MRPS21: variants seen among roughly 807,000 people sequenced by gnomAD.
MRPS21 encodes the protein mitochondrial ribosomal protein S21, also known as small ribosomal subunit protein bS21m.
MRPS21 carries 8 observed loss-of-function variants against 9.9 expected under a neutral mutation model. The ratio of observed to expected loss-of-function variants is 0.81; its 90% confidence interval spans 0.47 to 1.45. The LOEUF (loss-of-function observed/expected upper bound fraction) is 1.45, where lower values mean the gene tolerates loss of function less well. Ranked by LOEUF, MRPS21 falls within the 40% of genes most tolerant of loss-of-function variation. MRPS21 has a pLI of 0.00. For synonymous variants in MRPS21, 40 were observed against 40.3 expected, an observed-to-expected ratio of 0.99 and a Z score of 0.03; for missense variants, 101 against 118.9, an observed-to-expected ratio of 0.85 and a Z score of 0.70.
chr1:150,307,087 C>T (rs1217624965), intron 2 of MRPS21, among the ~76,000 whole-genome samples: 1 of 149,652 alleles, frequency 6.7e-6, no homozygotes, highest in Non-Finnish European at 1.5e-5. Context: ...ACTCTGTTGC[C>T]CAGGCTGGAG....
intron 2 of MRPS21, chr1:150,304,030 G>A: frequency 2.5e-6 from 1 of 400,736 alleles, no homozygotes; most frequent in Non-Finnish European, 5.2e-6. Context: ...AGAGACATCA[G>A]CCGGGCGTGG....
At chr1:150,297,032 C>T (rs1553856682) in intron 2 of MRPS21, among the ~76,000 whole-genome samples, 1 of 152,166 alleles carries the variant, frequency 6.6e-6, no homozygotes, top group East Asian at 1.9e-4. Flanking sequence ...TGGCTCACGC[C>T]TGTAATCCCA....
intron 2 of MRPS21, among the ~76,000 whole-genome samples, chr1:150,307,152 TCTC>T (rs1340402496): frequency 6.6e-6 from 1 of 151,034 alleles, no homozygotes; most frequent in African/African-American, 2.4e-5. Context: ...TTCAAACACT[TCTC>T]CTGCCTGCCT....
Position 150,294,409 on chromosome 1 carries a change from C to G in MRPS21, c.43C>G (p.Gln15Glu), listed in dbSNP as rs1053144652. The G allele has an allele frequency of 1.2e-6, 2 of 1,613,752 alleles. No homozygotes were observed. Among genetic ancestry groups the G allele is most frequent in the African/African-American group, 2.7e-5 (2 of 74,988 alleles). The change falls in exon 2 of 3, where the codon CAG becomes GAG. Residue 15 changes from glutamine (Q) to glutamate (E), a missense_variant. Transcript: ENST00000614145. ...GTTCATCGCCAGGACTGTGATGGTA[C>G]AGGAAGGGAACGTGGAAAGCGCATA... is the stretch of plus-strand genomic sequence containing the variant. ...LKFIARTVMV[Q>E]EGNVESAYRT...
At chr1:150,302,757 C>G (rs1553857894) in intron 2 of MRPS21, among the ~76,000 whole-genome samples, 1 of 152,132 alleles carries the variant, frequency 6.6e-6, no homozygotes, top group African/African-American at 2.4e-5. Flanking sequence ...TTGTGTTTTA[C>G]AAAGCTTTTC....
At chr1:150,307,990 A>G (rs1389444712) in intron 2 of MRPS21, 58 bp from the exon 3 acceptor site, 1 of 1,427,480 alleles carries the variant, frequency 7.0e-7, no homozygotes, top group Non-Finnish European at 9.4e-7. Flanking sequence ...TATTTATGAA[A>G]CTGGAAAAGA....
At chr1:150,306,329 G>A (rs1654328962) in intron 2 of MRPS21, among the ~76,000 whole-genome samples, 1 of 152,156 alleles carries the variant, frequency 6.6e-6, no homozygotes, top group African/African-American at 2.4e-5. Flanking sequence ...CCAGGCTGGA[G>A]TGCAGTGGCA....
intron 2 of MRPS21, among the ~76,000 whole-genome samples, chr1:150,303,363 C>T (rs1654214513): frequency 1.3e-5 from 2 of 152,150 alleles, no homozygotes; most frequent in African/African-American, 4.8e-5. Context: ...AAAAAGCAAC[C>T]TTCATTAGAC....
chr1:150,306,562 C>G (rs587708056), intron 2 of MRPS21, among the ~76,000 whole-genome samples: 1 of 152,252 alleles, frequency 6.6e-6, no homozygotes, highest in South Asian at 2.1e-4. Context: ...GTGGCGCAAC[C>G]TTGGCTTACT....
In MRPS21 at chr1:150,294,413, A is replaced by C; in HGVS notation, c.47A>C (p.Glu16Ala). Reference protein sequence around the residue: ...KFIARTVMVQEGNVESAYRTL... With the variant: ...KFIARTVMVQAGNVESAYRTL... ...ATCGCCAGGACTGTGATGGTACAGGAAGGGAACGTGGAAAGCGCATACAGG... is the reference window on the plus strand; with the variant it reads ...ATCGCCAGGACTGTGATGGTACAGGCAGGGAACGTGGAAAGCGCATACAGG... The change falls in exon 2 of 3, where the codon GAA becomes GCA. Residue 16 changes from glutamate (E) to alanine (A), a missense_variant. By Grantham distance (107) the Glu-to-Ala change is moderately radical. Transcript: ENST00000614145. 1 of 1,613,768 alleles carries C rather than the reference A, an allele frequency of 6.2e-7. No individual in the cohort carries two copies. Among genetic ancestry groups the C allele is most frequent in the South Asian group, 1.1e-5 (1 of 91,070 alleles).
At chr1:150,294,669 C>CG (rs1472834440) in intron 2 of MRPS21, among the ~76,000 whole-genome samples, 10 of 151,864 alleles carry the variant, frequency 6.6e-5, no homozygotes, top group Admixed American at 5.9e-4. Context: ...GAGGCCGAGG[C>CG]GGGTGGATCA....
chr1:150,304,033 G>A (rs471657), intron 2 of MRPS21: 170,307 of 394,242 alleles, frequency 0.43, 38,559 homozygotes, highest in East Asian at 0.71. Context: ...GACATCAGCC[G>A]GGCGTGGTGG....
In MRPS21 at chr1:150,294,447, C is replaced by T. The variant is rs782226938; in HGVS notation, c.81C>T (p.Asn27=). The T allele has an allele frequency of 6.2e-7, 1 of 1,610,930 alleles. No homozygotes were observed. The highest frequency in any genetic ancestry group is 1.1e-5 in the South Asian group (1 of 91,008). Residue 27 remains asparagine, a splice_region_variant and synonymous_variant, in exon 2 of 3, where the codon AAC becomes AAT. Transcript: ENST00000614145. ...TGGAAAGCGCATACAGGACCCTAAA[C>T]AGGTAACTGTTAAGGGACCAGAATC... The part of the protein sequence containing the change: ...GNVESAYRTL[N]RILTMDGLIE...
At chr1:150,296,838 G>T (rs1020808694) in intron 2 of MRPS21, among the ~76,000 whole-genome samples, 7 of 152,020 alleles carry the variant, frequency 4.6e-5, no homozygotes, top group Admixed American at 1.3e-4. Flanking sequence ...ATTTCAGCAG[G>T]TGTCGCTTTA....
chr1:150,307,975 A>G (rs1402569149), intron 2 of MRPS21, 73 bp from the exon 3 acceptor site: 2 of 1,368,212 alleles, frequency 1.5e-6, no homozygotes, highest in African/African-American at 2.9e-5. Context: ...TGGTCAATCG[A>G]CTTCTATTTA....
At chr1:150,297,166 C>T (rs1167532678) in intron 2 of MRPS21, among the ~76,000 whole-genome samples, 1 of 152,072 alleles carries the variant, frequency 6.6e-6, no homozygotes, top group Non-Finnish European at 1.5e-5. Context: ...TGGCACACAC[C>T]TGTAGTCCCA....
At chr1:150,294,197 G>A in intron 1 of MRPS21, 138 bp from the exon 2 acceptor site, 2 of 591,484 alleles carry the variant, frequency 3.4e-6, no homozygotes, top group South Asian at 3.7e-5. Flanking sequence ...CTACTTTCTA[G>A]GATGACTTCC....
chr1:150,307,348 C>CTT (rs1572154026), intron 2 of MRPS21, among the ~76,000 whole-genome samples: 26,269 of 85,120 alleles, frequency 0.31, 4,661 homozygotes, highest in South Asian at 0.46. Flanking sequence ...GTGCCCAGTC[C>CTT]TTTTTTTTTT....
chr1:150,307,274 C>G (rs1654369974), intron 2 of MRPS21, among the ~76,000 whole-genome samples: 1 of 151,676 alleles, frequency 6.6e-6, no homozygotes, highest in Non-Finnish European at 1.5e-5. Flanking sequence ...TCTCGAACTC[C>G]CGACCTCAGG....
Sources: allele counts gnomAD v4.1 joint callset (sites outside exome capture counted in the v4.1 genomes callset), GRCh38; gene constraint gnomAD v4.1.1; transcripts MANE v1.5; gene names NCBI Gene and HGNC (gene_info 2026-07-23, HGNC 2026-07-21).